SEC23IP: variants seen among roughly 807,000 people sequenced by gnomAD.
SEC23IP encodes the protein SEC23 interacting protein.
SEC23IP carries 70 observed loss-of-function variants against 113.4 expected under a neutral mutation model. That is an observed-to-expected ratio of 0.62 (90% CI 0.51 to 0.75). The LOEUF is 0.75. SEC23IP is among the 30% of genes least tolerant of loss of function. The pLI is 0.00. For missense variants in SEC23IP, 1,160 were observed against 1,204.9 expected (o/e 0.96, Z 0.55); for synonymous variants, 398 against 421.0 (o/e 0.95, Z 0.67).
chr10:119,895,430 C>G (rs1156532893), intron 1 of SEC23IP, among the ~76,000 whole-genome samples: 1 of 152,150 alleles, frequency 6.6e-6, no homozygotes, highest in Non-Finnish European at 1.5e-5. Flanking sequence ...AGGCACTGTT[C>G]CAGAACCTGG....
rs1481812874 is a variant in SEC23IP, at chr10:119,912,165, G to A, written c.1312+1G>A. The A allele has an allele frequency of 6.2e-7, 1 of 1,613,794 alleles. No homozygotes were observed. Among genetic ancestry groups the A allele is most frequent in the Non-Finnish European group, 8.5e-7 (1 of 1,179,878 alleles). On this transcript the variant is annotated splice_donor_variant, in intron 6 of 18. Transcript: ENST00000369075. LOFTEE classifies it high-confidence loss of function. Reference sequence around the variant, plus strand: ...GATAACCTTGATGAAATTCCCGACGGTGTGTATAGTTTGTTTAGAACTGAG... The same window carrying A: ...GATAACCTTGATGAAATTCCCGACGATGTGTATAGTTTGTTTAGAACTGAG...
Position 119,918,019 on chromosome 10 carries a change from T to G in SEC23IP, c.1728T>G (p.Gly576=). The change falls in exon 9 of 19, where the codon GGT becomes GGG. Residue 576 remains glycine (G), a synonymous_variant. Transcript: ENST00000369075. The part of the protein sequence containing the change: ...FMSRNPDFKG[G]VSVAGHSLGS... The stretch of plus-strand genomic sequence containing the variant: ...GTCGGAACCCAGACTTCAAAGGAGG[T>G]GTCTCTGTTGCTGGTCACAGTTTAG... 1 of 1,613,848 alleles carries G rather than the reference T, an allele frequency of 6.2e-7. No homozygotes were observed. Among genetic ancestry groups the G allele is most frequent in the Non-Finnish European group, 8.5e-7 (1 of 1,179,868 alleles).
intron 12 of SEC23IP, among the ~76,000 whole-genome samples, chr10:119,922,276 A>C (rs1027070100): frequency 6.6e-6 from 1 of 152,106 alleles, no homozygotes; most frequent in African/African-American, 2.4e-5. Context: ...GGAATCTGGC[A>C]TGTGTTTTCC....
Position 119,897,663 on chromosome 10 carries a change from G to A in SEC23IP, c.164-764G>A, listed in dbSNP as rs570111917. ...AAAATATATGTATTTGGGTAGTCGA[G>A]TAACAGTTGAATTATTTCTTACCAA... On this transcript the variant is annotated intron_variant, in intron 1 of 18. Transcript: ENST00000369075. 1.4e-4 allele frequency among the ~76,000 whole-genome samples: 22 copies of A among 152,188 alleles called. No individual in the cohort carries two copies. The South Asian group carries it at 3.5e-3, about 24-fold the overall frequency.
intron 3 of SEC23IP, 85 bp from the exon 4 acceptor site, chr10:119,903,999 C>T (rs1234449410): frequency 3.5e-6 from 5 of 1,419,066 alleles, no homozygotes; most frequent in Admixed American, 3.8e-5. Context: ...GGATTACAGG[C>T]ATGAGCCACT....
chr10:119,940,187 A>ATT lies in SEC23IP; in HGVS notation c.*21-382_*21-381dup, dbSNP rs11289281. Among the ~76,000 whole-genome samples, 1,113 of 128,148 alleles carry ATT rather than the reference A, an allele frequency of 8.7e-3. 20 individuals are homozygous for ATT. The highest frequency in any genetic ancestry group is 0.03 in the African/African-American group (1,030 of 34,306). 84.1% of individuals were successfully genotyped at this position (128,148 alleles called of 152,430 possible). ...AGTAAAGTTGAGCACTGGATTGTCC[A>ATT]TTTTTTTTTTTTTTTTTTGAGATGG... is the stretch of plus-strand genomic sequence containing the variant. On this transcript the variant is annotated intron_variant, in intron 18 of 18. Coordinates refer to ENST00000369075, the MANE Select transcript of SEC23IP (RefSeq NM_007190.4).
chr10:119,912,160 C>T lies in SEC23IP; in HGVS notation c.1308C>T (p.Pro436=), dbSNP rs760465019. ...RGIDDNLDEI[P]DGEMPQVDHL... ...TTGATGATAACCTTGATGAAATTCC[C>T]GACGGTGTGTATAGTTTGTTTAGAA... Residue 436 remains proline, a synonymous_variant, in exon 6 of 19, where the codon CCC becomes CCT. Transcript: ENST00000369075. The T allele has an allele frequency of 1.4e-5, 23 of 1,613,674 alleles. No homozygotes were observed. The South Asian group carries it at 1.6e-4, about 12-fold the overall frequency.
At position 119,903,115 on chromosome 10, in the gene SEC23IP, T is replaced by C. The variant is rs117661982; in HGVS notation, c.907+106T>C. 4.5e-4 allele frequency: 409 copies of C among 913,840 alleles called. 3 individuals carry two copies. The East Asian group carries it at 0.01, about 23-fold the overall frequency. The allele number at this position is 913,840 out of a possible 1,614,324, so 56.6% of individuals were successfully genotyped here. A position where few individuals can be genotyped will look rare whatever the true frequency, so the allele number is the denominator to read the frequency against. On this transcript the variant is annotated intron_variant, in intron 3 of 18. Coordinates refer to ENST00000369075, the MANE Select transcript of SEC23IP (RefSeq NM_007190.4). Reference sequence around the variant, plus strand: ...TGAATGTCAAATACCTTAATCCTTATAGACCCCAGACTCTGTACCTTAAGG... The same window carrying C: ...TGAATGTCAAATACCTTAATCCTTACAGACCCCAGACTCTGTACCTTAAGG...
intron 13 of SEC23IP, among the ~76,000 whole-genome samples, chr10:119,927,392 G>A (rs371298627): frequency 2.0e-5 from 3 of 152,206 alleles, no homozygotes; most frequent in East Asian, 3.9e-4. Flanking sequence ...AGAAGAGATA[G>A]GGTGGTGGTG....
chr10:119,933,892 GT>G (rs968740738), intron 18 of SEC23IP, 105 bp downstream of exon 18: 4 of 510,798 alleles, frequency 7.8e-6, no homozygotes, highest in African/African-American at 5.9e-5. Flanking sequence ...TTTCCTCTGA[GT>G]TTTTGTCGTC....
chr10:119,928,717 T>C (rs1190091529), intron 13 of SEC23IP, among the ~76,000 whole-genome samples: 3 of 152,252 alleles, frequency 2.0e-5, no homozygotes. Context: ...GAGAAACAAA[T>C]GAAAGAGCTT....
chr10:119,914,390 T>A (rs1854974334), intron 6 of SEC23IP: 1 of 254,064 alleles, frequency 3.9e-6, no homozygotes, highest in African/African-American at 2.2e-5. Flanking sequence ...CGATGAAATC[T>A]GAGTAATCTC....
At chr10:119,939,432 A>C (rs1031154159) in intron 18 of SEC23IP, among the ~76,000 whole-genome samples, 4 of 152,210 alleles carry the variant, frequency 2.6e-5, no homozygotes, top group Non-Finnish European at 5.9e-5. Flanking sequence ...CTGTAATCCC[A>C]GCACTTTGGG....
At chr10:119,918,969 A>T (rs1354366965) in intron 10 of SEC23IP, among the ~76,000 whole-genome samples, 6 of 150,492 alleles carry the variant, frequency 4.0e-5, no homozygotes, top group Non-Finnish European at 8.8e-5. Flanking sequence ...TGATTTATTA[A>T]ATTTATATAC....
At chr10:119,934,750 C>T (rs980896079) in intron 18 of SEC23IP, among the ~76,000 whole-genome samples, 3 of 152,192 alleles carry the variant, frequency 2.0e-5, no homozygotes, top group African/African-American at 4.8e-5. Flanking sequence ...TCTACCTCCT[C>T]GTTTTAGAGA....
chr10:119,919,808 A>G (rs1855186917), intron 11 of SEC23IP, among the ~76,000 whole-genome samples: 1 of 152,198 alleles, frequency 6.6e-6, no homozygotes, highest in South Asian at 2.1e-4. Context: ...AAAGAAAAAA[A>G]TTGTATAACA....
At chr10:119,905,826 A>G (rs774199998) in intron 4 of SEC23IP, among the ~76,000 whole-genome samples, 48 of 152,348 alleles carry the variant, frequency 3.2e-4, no homozygotes, top group Non-Finnish European at 6.5e-4. Flanking sequence ...TTCCTGTGCC[A>G]TAGAAATAAC....
rs148395675 is a variant in SEC23IP at position 119,917,548 on chromosome 10, T to A, written c.1545-288T>A. Among the ~76,000 whole-genome samples the A allele has an allele frequency of 4.2e-3, 642 of 152,180 alleles. 5 individuals carry two copies. Among genetic ancestry groups the A allele is most frequent in the African/African-American group, 0.015 (607 of 41,528 alleles). ...TGTACACCACCACACTCGGCTAATT[T>A]GTGTATTTTTAGTAAAGACGGGGTT... On this transcript the variant is annotated intron_variant, in intron 8 of 18. Transcript: ENST00000369075.
intron 6 of SEC23IP, among the ~76,000 whole-genome samples, chr10:119,913,531 C>T (rs1243704321): frequency 1.7e-5 from 2 of 121,066 alleles, no homozygotes. Context: ...CACTCTGTTG[C>T]CCAGGCTAGA....
Sources: gnomAD v4.1 joint callset for allele counts (sites outside exome capture counted in the v4.1 genomes callset) on GRCh38, gnomAD v4.1.1 for gene constraint, MANE v1.5 for transcripts, NCBI Gene and HGNC (gene_info 2026-07-23, HGNC 2026-07-21) for gene names.